The following POR variants were observed in gnomAD, a reference collection of about 807,000 sequenced individuals.
POR encodes cytochrome p450 oxidoreductase.
A neutral mutation model predicts 84.0 loss-of-function variants in POR; 56 were observed. That is an observed-to-expected ratio of 0.67 (90% CI 0.54 to 0.83). The LOEUF is 0.83. POR is among the 40% of genes least tolerant of loss of function. The pLI is 0.00. For missense variants in POR, 938 were observed against 944.3 expected, an observed-to-expected ratio of 0.99 and a Z score of 0.09; for synonymous variants, 414 against 400.5, an observed-to-expected ratio of 1.03 and a Z score of -0.40.
Position 75,985,614 on chromosome 7 carries a change from T to G in POR, c.1434T>G (p.Val478=). 1 of 1,584,140 alleles carries G rather than the reference T, an allele frequency of 6.3e-7. No individual in the cohort carries two copies. Among genetic ancestry groups the G allele is most frequent in the Non-Finnish European group, 8.6e-7 (1 of 1,163,972 alleles). ...ACTCTGTGCACATCTGTGCGGTGGT[T>G]GTGGAGTACGAGACCAAGGCTGGCC... The change falls in exon 13 of 16, where the codon GTT becomes GTG. Residue 478 remains valine (V), a synonymous_variant. Coordinates refer to ENST00000461988, the MANE Select transcript of POR (RefSeq NM_000941.3).
At chr7:75,958,788 G>A (rs1787799287) in intron 2 of POR, among the ~76,000 whole-genome samples, 1 of 144,516 alleles carries the variant, frequency 6.9e-6, no homozygotes, top group Non-Finnish European at 1.5e-5. Flanking sequence ...AGACCAGCCT[G>A]AGCAACATAG....
At chr7:75,983,333 T>C (rs1221389215) in intron 8 of POR, 187 bp from the exon 9 acceptor site, 4 of 484,314 alleles carry the variant, frequency 8.3e-6, no homozygotes, top group Non-Finnish European at 1.4e-5. Flanking sequence ...AGAGCGAAAC[T>C]CTGTCTCAAA....
chr7:75,966,603 C>A (rs782192932), intron 2 of POR, among the ~76,000 whole-genome samples: 4 of 152,204 alleles, frequency 2.6e-5, no homozygotes. Flanking sequence ...AAAGCAGCTT[C>A]CCCATGTGTT....
At chr7:75,930,374 C>T (rs1024683939) in intron 1 of POR, among the ~76,000 whole-genome samples, 8 of 151,984 alleles carry the variant, frequency 5.3e-5, no homozygotes, top group Non-Finnish European at 7.4e-5. Context: ...CCCAGCTCCT[C>T]GGGAGGCTGA....
At chr7:75,934,946 A>G (rs1032953264) in intron 1 of POR, among the ~76,000 whole-genome samples, 2 of 152,020 alleles carry the variant, frequency 1.3e-5, no homozygotes, top group African/African-American at 2.4e-5. Flanking sequence ...CTGGTAGGAG[A>G]GGAATGTGGG....
intron 2 of POR, among the ~76,000 whole-genome samples, chr7:75,958,333 G>C (rs1219332504): frequency 6.6e-6 from 1 of 151,974 alleles, no homozygotes; most frequent in Non-Finnish European, 1.5e-5. Context: ...GCCCAGGCTG[G>C]TCTGAAACTC....
chr7:75,931,977 A>G (rs371636237), intron 1 of POR, among the ~76,000 whole-genome samples: 1 of 152,058 alleles, frequency 6.6e-6, no homozygotes, highest in African/African-American at 2.4e-5. Flanking sequence ...TCATCCTTCC[A>G]CCTGCTGCTA....
At chr7:75,972,370 T>C in intron 2 of POR, 43 bp from the exon 3 acceptor site, 1 of 1,575,016 alleles carries the variant, frequency 6.3e-7, no homozygotes, top group Non-Finnish European at 8.7e-7. Flanking sequence ...CTGTGTCCCA[T>C]GACACCTGCC....
At position 75,984,935 on chromosome 7, in the gene POR, G is replaced by GCCT. The variant is rs781898617; in HGVS notation, c.1234_1236dup (p.Ser412dup). 1.9e-6 allele frequency: 3 copies of GCCT among 1,600,112 alleles called. No homozygotes were observed. The highest frequency in any genetic ancestry group is 2.2e-5 in the South Asian group (2 of 90,506). ...GGAGCAGGAGCTGCTGCGCAAGATG[G>GCCT]CCTCCTCCTCCGGCGAGGGCAAGGT... On this transcript the variant is annotated inframe_insertion, in exon 11 of 16. Transcript: ENST00000461988.
intron 1 of POR, among the ~76,000 whole-genome samples, chr7:75,924,259 G>A (rs1563398389): frequency 2.6e-5 from 4 of 152,158 alleles, no homozygotes; most frequent in Non-Finnish European, 4.4e-5. Context: ...GAAAAATTGT[G>A]TCTCAAGTTC....
intron 1 of POR, among the ~76,000 whole-genome samples, chr7:75,926,420 A>G (rs1554549515): frequency 6.6e-6 from 1 of 152,196 alleles, no homozygotes; most frequent in Non-Finnish European, 1.5e-5. Flanking sequence ...TCCTGGCTGA[A>G]GGGCCAGTGT....
At chr7:75,977,781 C>G (rs528050922) in intron 3 of POR, among the ~76,000 whole-genome samples, 148 of 151,988 alleles carry the variant, frequency 9.7e-4, no homozygotes, top group African/African-American at 3.4e-3. Context: ...CCGTCTCACA[C>G]ACAAAAATAA....
At chr7:75,923,921 G>A (rs1214303883) in intron 1 of POR, among the ~76,000 whole-genome samples, 4 of 151,716 alleles carry the variant, frequency 2.6e-5, no homozygotes, top group Admixed American at 2.6e-4. Flanking sequence ...AAAGACAGTA[G>A]CTTACGTTCA....
intron 2 of POR, among the ~76,000 whole-genome samples, chr7:75,965,672 C>T (rs2116491821): frequency 6.6e-6 from 1 of 152,330 alleles, no homozygotes; most frequent in South Asian, 2.1e-4. Flanking sequence ...TAGTCCTGGC[C>T]ACCCCCTGGC....
At chr7:75,922,319 GTTTTTTTTTTTT>G (rs1223302280) in intron 1 of POR, among the ~76,000 whole-genome samples, 1 of 125,660 alleles carries the variant, frequency 8.0e-6, no homozygotes, top group Admixed American at 8.0e-5. Flanking sequence ...CTGATCTGTA[GTTTTTTTTTTTT>G]TTTTTTTTGA....
Position 75,984,968 on chromosome 7 carries a change from C to T in POR, c.1248+10C>T. ...CTCCGGCGAGGGCAAGGTGCGCCCC[C>T]TCAGCCCCCGCAACCTCCGCCCCGT... On this transcript the variant is annotated intron_variant, in intron 11 of 15. Transcript: ENST00000461988. 2 of 1,582,402 alleles carry T rather than the reference C, an allele frequency of 1.3e-6. No homozygotes were observed. Among genetic ancestry groups the T allele is most frequent in the East Asian group, 2.3e-5 (1 of 43,928 alleles).
At chr7:75,924,118 G>A (rs1807003993) in intron 1 of POR, among the ~76,000 whole-genome samples, 1 of 152,058 alleles carries the variant, frequency 6.6e-6, no homozygotes, top group Non-Finnish European at 1.5e-5. Flanking sequence ...TAAGAGTCCT[G>A]CAGCAGTCGA....
At chr7:75,952,634 C>T (rs1273958496) in intron 1 of POR, among the ~76,000 whole-genome samples, 2 of 147,526 alleles carry the variant, frequency 1.4e-5, no homozygotes, top group Admixed American at 6.7e-5. Flanking sequence ...CGCTCCTCAC[C>T]TCCCAGATGG....
chr7:75,920,055 T>TA (rs1806775117), intron 1 of POR, among the ~76,000 whole-genome samples: 1 of 140,218 alleles, frequency 7.1e-6, no homozygotes, highest in Admixed American at 7.0e-5. Context: ...GAGTTGAATT[T>TA]CTTTTTTTTT....
Sources: gnomAD v4.1 joint callset for allele counts (sites outside exome capture counted in the v4.1 genomes callset) on GRCh38, gnomAD v4.1.1 for gene constraint, MANE v1.5 for transcripts, NCBI Gene and HGNC (gene_info 2026-07-23, HGNC 2026-07-21) for gene names.